Variants in MARCHF6 observed in about 807,000 individuals in gnomAD.
The protein encoded by MARCHF6 is E3 ubiquitin-protein ligase MARCHF6.
In MARCHF6, 31 loss-of-function variants were observed where a neutral mutation model predicts 133.7. That is an observed-to-expected ratio of 0.23 (90% CI 0.17 to 0.31). The LOEUF is 0.31. Ranked by LOEUF, MARCHF6 falls within the 10% of genes least tolerant of loss-of-function variation. MARCHF6 has a pLI of 1.00. For synonymous variants in MARCHF6, 395 were observed against 402.5 expected (o/e 0.98, Z 0.22); for missense variants, 723 against 1,121.6 (o/e 0.64, Z 5.08).
chr5:10,415,493 G>A lies in MARCHF6; in HGVS notation c.1972G>A (p.Ala658Thr). ...SLICLTLPVF[A>T]GRWLMSFWTG... ...ATCAGCTTTTCTATTTTCAGTATTT[G>A]CTGGCCGTTGGTTAATGTCGTTTTG... The change falls in exon 21 of 26, where the codon GCT (alanine) becomes ACT (threonine). Residue 658 changes from alanine to threonine, a missense_variant. Physicochemically the swap from Ala to Thr is moderately conservative, Grantham distance 58 (BLOSUM62 0). Coordinates refer to ENST00000274140, the MANE Select transcript of MARCHF6 (RefSeq NM_005885.4). The A allele has an allele frequency of 6.2e-7, 1 of 1,609,648 alleles. No individual in the cohort carries two copies. The highest frequency in any genetic ancestry group is 1.1e-5 in the South Asian group (1 of 90,658).
At chr5:10,394,354 C>A (rs1274838666) in intron 8 of MARCHF6, among the ~76,000 whole-genome samples, 1 of 152,036 alleles carries the variant, frequency 6.6e-6, no homozygotes, top group Non-Finnish European at 1.5e-5. Context: ...AATCTTGCTC[C>A]ATTTAGGAAA....
At chr5:10,415,057 A>G (rs1214490746) in intron 20 of MARCHF6, among the ~76,000 whole-genome samples, 1 of 152,248 alleles carries the variant, frequency 6.6e-6, no homozygotes, top group Non-Finnish European at 1.5e-5. Flanking sequence ...GCCAATTGGA[A>G]GATAGTTACT....
intron 6 of MARCHF6, 141 bp downstream of exon 6, chr5:10,390,641 G>A: frequency 2.4e-6 from 2 of 835,348 alleles, no homozygotes; most frequent in South Asian, 2.0e-5. Flanking sequence ...GAAAGGTTTG[G>A]GTGAAGATGA....
chr5:10,413,668 TG>T (rs1337165744), intron 19 of MARCHF6, among the ~76,000 whole-genome samples: 1 of 152,276 alleles, frequency 6.6e-6, no homozygotes, highest in East Asian at 1.9e-4. Context: ...GGAAGGTGAA[TG>T]ATGAGCAAAG....
chr5:10,370,290 T>TG (rs1013008886), intron 1 of MARCHF6, among the ~76,000 whole-genome samples: 1 of 151,666 alleles, frequency 6.6e-6, no homozygotes, highest in African/African-American at 2.4e-5. Context: ...ATTGTAGATA[T>TG]GGGGGTCTCC....
intron 17 of MARCHF6, among the ~76,000 whole-genome samples, chr5:10,407,965 C>CCCCCA (rs1739006905): frequency 1.0e-5 from 1 of 97,712 alleles, no homozygotes; most frequent in African/African-American, 3.4e-5. Flanking sequence ...CCCCCCCCCC[C>CCCCCA]AAAAAAAAAA....
chr5:10,387,458 A>G (rs1450237534), intron 5 of MARCHF6, among the ~76,000 whole-genome samples: 1 of 152,062 alleles, frequency 6.6e-6, no homozygotes, highest in Non-Finnish European at 1.5e-5. Context: ...ACTCGCCAGC[A>G]TGCCTGGCTA....
intron 20 of MARCHF6, among the ~76,000 whole-genome samples, chr5:10,415,181 C>G (rs939787949): frequency 1.3e-5 from 2 of 152,126 alleles, no homozygotes; most frequent in Non-Finnish European, 2.9e-5. Context: ...GTGATAAAAA[C>G]AATGAAAACA....
intron 7 of MARCHF6, among the ~76,000 whole-genome samples, chr5:10,392,323 T>C (rs182551000): frequency 2.0e-4 from 31 of 152,326 alleles, no homozygotes; most frequent in Admixed American, 8.5e-4. Flanking sequence ...GGTACTACTT[T>C]TTTTAAATAA....
intron 7 of MARCHF6, among the ~76,000 whole-genome samples, chr5:10,391,966 T>A (rs1737877602): frequency 1.3e-5 from 2 of 151,648 alleles, no homozygotes; most frequent in African/African-American, 4.8e-5. Flanking sequence ...AGGCCTTTTT[T>A]TTTTTTTTGG....
chr5:10,402,981 A>G (rs1348093264), intron 14 of MARCHF6, among the ~76,000 whole-genome samples: 1 of 152,220 alleles, frequency 6.6e-6, no homozygotes, highest in East Asian at 1.9e-4. Context: ...TAATATGCTC[A>G]GTCTTGATTA....
intron 22 of MARCHF6, 141 bp from the exon 23 acceptor site, chr5:10,423,594 G>A (rs939109340): frequency 1.8e-5 from 8 of 456,484 alleles, no homozygotes; most frequent in African/African-American, 4.0e-5. Context: ...TTTTCAGTAC[G>A]TTAGTCTTTT....
At chr5:10,369,619 G>A (rs1285631144) in intron 1 of MARCHF6, among the ~76,000 whole-genome samples, 1 of 38,600 alleles carries the variant, frequency 2.6e-5, no homozygotes, top group Non-Finnish European at 4.8e-5. Flanking sequence ...CCCCCCCCTT[G>A]CAAATATCCT....
intron 4 of MARCHF6, among the ~76,000 whole-genome samples, chr5:10,386,267 T>C (rs1477054362): frequency 6.6e-6 from 1 of 152,222 alleles, no homozygotes; most frequent in Non-Finnish European, 1.5e-5. Context: ...AAGTCTCCGA[T>C]ACAAGGCTAT....
rs1579559982 is a variant in MARCHF6 at position 10,386,872 on chromosome 5, A to G, written c.335-122A>G. 3 of 697,148 alleles carry G rather than the reference A, an allele frequency of 4.3e-6. No individual in the cohort carries two copies. In the East Asian group the frequency reaches 7.7e-5, roughly 18 times the overall value. The allele number at this position is 697,148 out of a possible 1,614,324, so 43.2% of individuals were successfully genotyped here. A position where few individuals can be genotyped will look rare whatever the true frequency, so the allele number is the denominator to read the frequency against. ...TTAATATTTTGAGACTTAGGCTTGT[A>G]AAGACTAAATGTTTATTTCAGTGGC... On this transcript the variant is annotated intron_variant, in intron 4 of 25. Coordinates refer to ENST00000274140, the MANE Select transcript of MARCHF6 (RefSeq NM_005885.4).
At position 10,417,233 on chromosome 5, in the gene MARCHF6, A is replaced by T. The variant is rs754628788; in HGVS notation, c.2149-37A>T. ...TGGAAATAGAGTTTGGCTCAGAAAGATCCTCTTTAATGATGTGGGCTCCTG... is the reference window on the plus strand; with the variant it reads ...TGGAAATAGAGTTTGGCTCAGAAAGTTCCTCTTTAATGATGTGGGCTCCTG... On this transcript the variant is annotated intron_variant, in intron 21 of 25. Transcript: ENST00000274140. 9.4e-6 allele frequency: 15 copies of T among 1,588,402 alleles called. No homozygotes were observed. In the East Asian group the frequency reaches 3.1e-4, roughly 33 times the overall value.
rs371644633 is a variant in MARCHF6 at position 10,414,444 on chromosome 5, G to A, written c.1908G>A (p.Leu636=). Residue 636 remains leucine, a synonymous_variant, in exon 20 of 26, where the codon TTG becomes TTA. Coordinates refer to ENST00000274140, the MANE Select transcript of MARCHF6 (RefSeq NM_005885.4). ...GTTTTACTTTGCAGATATTTCTGTT[G>A]ATTGTCTTCATGTGTATAACATTAC... ...PLNFPLRIFL[L]IVFMCITLLI... is the part of the protein sequence containing the mutation. The A allele has an allele frequency of 8.1e-6, 13 of 1,611,088 alleles. No individual in the cohort carries two copies. The African/African-American group carries it at 1.2e-4, about 15-fold the overall frequency.
chr5:10,362,084 T>C (rs544377978), intron 1 of MARCHF6, among the ~76,000 whole-genome samples: 4 of 152,280 alleles, frequency 2.6e-5, no homozygotes, highest in African/African-American at 9.6e-5. Flanking sequence ...TTTACTTTCC[T>C]GTCTCTCTCC....
chr5:10,367,181 C>CAG (rs1736187301), intron 1 of MARCHF6, among the ~76,000 whole-genome samples: 1 of 152,114 alleles, frequency 6.6e-6, no homozygotes, highest in Non-Finnish European at 1.5e-5. Flanking sequence ...TGCCCGAGCC[C>CAG]AGAGGAGCCC....
Sources: allele counts gnomAD v4.1 joint callset (sites outside exome capture counted in the v4.1 genomes callset), GRCh38; gene constraint gnomAD v4.1.1; transcripts MANE v1.5; gene names NCBI Gene and HGNC (gene_info 2026-07-23, HGNC 2026-07-21).